Variants in KCNT2 observed in about 807,000 individuals in gnomAD.
KCNT2 encodes the protein potassium sodium-activated channel subfamily T member 2.
A neutral mutation model predicts 153.8 loss-of-function variants in KCNT2; 67 were observed. The ratio of observed to expected loss-of-function variants is 0.44; its 90% CI spans 0.36 to 0.53. The LOEUF (loss-of-function observed/expected upper bound fraction) is 0.53, where lower values mean the gene tolerates loss of function less well. KCNT2 is among the 20% of genes least tolerant of loss of function. The probability of loss-of-function intolerance (pLI) is 0.00; values close to 1 mark genes in which losing one functional copy is unlikely to be tolerated. For synonymous variants in KCNT2, 500 were observed against 458.8 expected, an observed-to-expected ratio of 1.09 and a Z score of -1.15; for missense variants, 975 against 1,354.8, an observed-to-expected ratio of 0.72 and a Z score of 4.40.
chr1:196,233,130 A>T (rs927576811), intron 27 of KCNT2, among the ~76,000 whole-genome samples: 2 of 151,418 alleles, frequency 1.3e-5, no homozygotes, highest in East Asian at 1.9e-4. Flanking sequence ...GAGTAATTAA[A>T]ATCCAAGTGC....
At chr1:196,476,645 C>A (rs1360722360) in intron 5 of KCNT2, among the ~76,000 whole-genome samples, 1 of 152,148 alleles carries the variant, frequency 6.6e-6, no homozygotes, top group African/African-American at 2.4e-5. Context: ...TCTGCACTCC[C>A]AAAAGACAAT....
intron 21 of KCNT2, among the ~76,000 whole-genome samples, chr1:196,312,380 C>T (rs1207925949): frequency 6.6e-6 from 1 of 151,404 alleles, no homozygotes; most frequent in Non-Finnish European, 1.5e-5. Flanking sequence ...CTAAGAGTGT[C>T]CCCTCCGCGA....
At chr1:196,377,343 G>T (rs927776711) in intron 13 of KCNT2, among the ~76,000 whole-genome samples, 1 of 151,488 alleles carries the variant, frequency 6.6e-6, no homozygotes, top group Non-Finnish European at 1.5e-5. Context: ...TTTTTTTGGT[G>T]GGGGGGAGAA....
intron 26 of KCNT2, among the ~76,000 whole-genome samples, chr1:196,250,088 A>T (rs1193217697): frequency 6.8e-6 from 1 of 146,936 alleles, no homozygotes; most frequent in Non-Finnish European, 1.5e-5. Context: ...TCACACAAAT[A>T]AAAAAAAAAG....
At chr1:196,235,955 C>T (rs201788126) in intron 27 of KCNT2, 31 bp downstream of exon 27, 1 of 1,289,968 alleles carries the variant, frequency 7.8e-7, no homozygotes, top group Non-Finnish European at 1.1e-6. Context: ...CTAAAAATAT[C>T]TGTCTTATAT....
At chr1:196,482,886 G>A (rs1313900341) in intron 3 of KCNT2, among the ~76,000 whole-genome samples, 1 of 151,992 alleles carries the variant, frequency 6.6e-6, no homozygotes, top group Admixed American at 6.6e-5. Context: ...TAACATATTG[G>A]GCAAGACAAG....
At chr1:196,468,578 G>A (rs1677811407) in intron 6 of KCNT2, among the ~76,000 whole-genome samples, 1 of 151,908 alleles carries the variant, frequency 6.6e-6, no homozygotes, top group Non-Finnish European at 1.5e-5. Flanking sequence ...ACTAAAAACA[G>A]AACTAGACTT....
At chr1:196,564,882 A>G (rs1659893651) in intron 1 of KCNT2, among the ~76,000 whole-genome samples, 1 of 151,862 alleles carries the variant, frequency 6.6e-6, no homozygotes, top group Admixed American at 6.6e-5. Context: ...ATAGATGAAA[A>G]CATAGGAGAA....
intron 25 of KCNT2, among the ~76,000 whole-genome samples, chr1:196,265,994 A>T (rs1469510070): frequency 6.6e-6 from 1 of 152,158 alleles, no homozygotes; most frequent in Non-Finnish European, 1.5e-5. Context: ...CAACAAACAA[A>T]CAAAAAACAG....
In KCNT2 at chr1:196,555,093, C is replaced by T. The variant is rs1222665599; in HGVS notation, c.95+53122G>A. 2.0e-5 allele frequency among the ~76,000 whole-genome samples: 3 copies of T among 151,348 alleles called. No homozygotes were observed. The East Asian group carries it at 5.8e-4, about 29-fold the overall frequency. On this transcript the variant is annotated intron_variant, in intron 1 of 27. Coordinates refer to ENST00000294725, the MANE Select transcript of KCNT2 (RefSeq NM_198503.5). Reference sequence around the variant, plus strand: ...AGGTTTGGAGCATAACAAGAATGTCCACTTTCTCCACTGTTATTCACCATT... The same window carrying T: ...AGGTTTGGAGCATAACAAGAATGTCTACTTTCTCCACTGTTATTCACCATT...
chr1:196,466,530 C>T (rs537878513), intron 7 of KCNT2, among the ~76,000 whole-genome samples: 8 of 152,068 alleles, frequency 5.3e-5, no homozygotes, highest in African/African-American at 1.9e-4. Context: ...AACTTTGCCT[C>T]CAAACAAGTA....
At chr1:196,304,951 T>A (rs1661494064) in intron 22 of KCNT2, among the ~76,000 whole-genome samples, 1 of 152,168 alleles carries the variant, frequency 6.6e-6, no homozygotes, top group South Asian at 2.1e-4. Context: ...AGTAAGTGAG[T>A]ATACACATTT....
intron 14 of KCNT2, among the ~76,000 whole-genome samples, chr1:196,366,049 G>A (rs547427201): frequency 7.2e-5 from 11 of 152,172 alleles, no homozygotes; most frequent in African/African-American, 2.2e-4. Context: ...CCTAGGAGAC[G>A]CTACATGACC....
In KCNT2 at chr1:196,327,853, A is replaced by G. The variant is rs1004043334; in HGVS notation, c.2104-964T>C. On this transcript the variant is annotated intron_variant, in intron 18 of 27. Transcript: ENST00000294725. ...GACTAATGTTTTTGTATTTTTGTAG[A>G]TACGGGGTCCTGGGCTCAAGCAATC... Among the ~76,000 whole-genome samples, 7 of 151,564 alleles carry G rather than the reference A, an allele frequency of 4.6e-5. No homozygotes were observed. The South Asian group carries it at 1.2e-3, about 27-fold the overall frequency.
chr1:196,543,915 G>T (rs1316628779), intron 1 of KCNT2, among the ~76,000 whole-genome samples: 1 of 150,524 alleles, frequency 6.6e-6, no homozygotes, highest in Non-Finnish European at 1.5e-5. Flanking sequence ...AAATATAATT[G>T]TGTATTTACA....
chr1:196,416,279 T>A (rs1672746479), intron 12 of KCNT2, among the ~76,000 whole-genome samples: 1 of 152,000 alleles, frequency 6.6e-6, no homozygotes, highest in African/African-American at 2.4e-5. Context: ...AAAGAAGGCA[T>A]CAAGTGCCTC....
chr1:196,608,405 A>T lies in KCNT2; in HGVS notation c.-96T>A. On this transcript the variant is annotated 5_prime_UTR_variant, in exon 1 of 28. Coordinates refer to ENST00000294725, the MANE Select transcript of KCNT2 (RefSeq NM_198503.5). The stretch of plus-strand genomic sequence containing the variant: ...GGAGTACAGGGAGAGGACTAACAAG[A>T]CGCTGTGGCCGAGAGAGGGATGGGA... 1.2e-6 allele frequency: 1 copy of T among 836,042 alleles called. No homozygotes were observed. 51.8% of individuals were successfully genotyped at this position (836,042 alleles called of 1,614,324 possible).
intron 1 of KCNT2, among the ~76,000 whole-genome samples, chr1:196,506,099 A>T (rs945795085): frequency 2.6e-5 from 4 of 152,098 alleles, no homozygotes; most frequent in Non-Finnish European, 5.9e-5. Context: ...TGCGGAAAAT[A>T]TGTTTCCACA....
At chr1:196,596,740 G>A (rs1558120921) in intron 1 of KCNT2, among the ~76,000 whole-genome samples, 1 of 151,996 alleles carries the variant, frequency 6.6e-6, no homozygotes, top group Non-Finnish European at 1.5e-5. Flanking sequence ...TTGAGACAGG[G>A]TCTCGTGCTG....
Sources: gnomAD v4.1 joint callset for allele counts (sites outside exome capture counted in the v4.1 genomes callset) on GRCh38, gnomAD v4.1.1 for gene constraint, MANE v1.5 for transcripts, NCBI Gene and HGNC (gene_info 2026-07-23, HGNC 2026-07-21) for gene names.